The following CDH2 variants were observed in gnomAD, a reference collection of about 807,000 sequenced individuals.
The protein encoded by CDH2 is cadherin-2.
Under a neutral mutation model 92.0 loss-of-function variants are expected in CDH2, and 17 were observed. The ratio of observed to expected loss-of-function variants is 0.18; its 90% CI spans 0.13 to 0.28. The LOEUF is 0.28. Ranked by LOEUF, CDH2 falls within the 10% of genes least tolerant of loss-of-function variation. CDH2 has a pLI of 1.00. For synonymous variants in CDH2, 419 were observed against 415.9 expected (o/e 1.01, Z -0.09); for missense variants, 862 against 1,133.1 (o/e 0.76, Z 3.44).
At chr18:28,090,438 C>T (rs11564395) in intron 2 of CDH2, among the ~76,000 whole-genome samples, 11,159 of 152,142 alleles carry the variant, frequency 0.073, 1,371 homozygotes, top group African/African-American at 0.26. Context: ...CAAATGAGGG[C>T]CAGAAATGAC....
chr18:28,061,636 T>C (rs1249699042), intron 2 of CDH2, among the ~76,000 whole-genome samples: 2 of 152,294 alleles, frequency 1.3e-5, no homozygotes, highest in South Asian at 2.1e-4. Context: ...ACAAATACTT[T>C]ATCCTAGCAC....
intron 2 of CDH2, among the ~76,000 whole-genome samples, chr18:28,063,652 G>A (rs1271595355): frequency 6.6e-6 from 1 of 152,136 alleles, no homozygotes; most frequent in African/African-American, 2.4e-5. Context: ...ATAGCTTCAG[G>A]AAGCCATAAA....
intron 2 of CDH2, among the ~76,000 whole-genome samples, chr18:28,105,513 C>A: frequency 6.6e-6 from 1 of 151,916 alleles, no homozygotes; most frequent in East Asian, 1.9e-4. Context: ...TCAAAATAAG[C>A]TTTTCATGAG....
chr18:28,131,185 A>T (rs1456555230), intron 2 of CDH2, among the ~76,000 whole-genome samples: 1 of 152,302 alleles, frequency 6.6e-6, no homozygotes, highest in South Asian at 2.1e-4. Context: ...ATTCCCTTAG[A>T]AGTTTCATCT....
intron 2 of CDH2, among the ~76,000 whole-genome samples, chr18:28,094,775 CAG>C (rs1442984175): frequency 8.9e-6 from 1 of 112,530 alleles, no homozygotes; most frequent in Non-Finnish European, 1.7e-5. Flanking sequence ...GCCTGGGCGA[CAG>C]AGTGAGACTC....
At chr18:27,944,633 T>C (rs2143838700) in intron 6 of CDH2, among the ~76,000 whole-genome samples, 1 of 151,692 alleles carries the variant, frequency 6.6e-6, no homozygotes, top group Admixed American at 6.6e-5. Context: ...ACTTAAAATA[T>C]CAGGTCAGGT....
At position 27,952,376 on chromosome 18, in the gene CDH2, CAAAG is replaced by C. The variant is rs752348644; in HGVS notation, c.2515-21_2515-18del. 6.2e-7 allele frequency: 1 copy of C among 1,603,290 alleles called. No individual in the cohort carries two copies. The highest frequency in any genetic ancestry group is 1.1e-5 in the South Asian group (1 of 90,832). On this transcript the variant is annotated intron_variant, in intron 15 of 15. Coordinates refer to ENST00000269141, the MANE Select transcript of CDH2 (RefSeq NM_001792.5). ...TTTAAGGCCCTGCAATTTGGAAACACAAAGAATGAAAGAATTAAGAGAGGGTTAC... is the reference window on the plus strand; with the variant it reads ...TTTAAGGCCCTGCAATTTGGAAACACAATGAAAGAATTAAGAGAGGGTTAC...
intron 2 of CDH2, among the ~76,000 whole-genome samples, chr18:28,021,593 G>C (rs1340638769): frequency 6.6e-6 from 1 of 151,804 alleles, no homozygotes; most frequent in Non-Finnish European, 1.5e-5. Flanking sequence ...TTAATCACCA[G>C]GGAAATAATT....
Position 27,990,198 on chromosome 18 carries a change from G to T in CDH2, c.1497C>A (p.Pro499=). Residue 499 remains proline (P), a synonymous_variant, in exon 10 of 16, where the codon CCC becomes CCA. Coordinates refer to ENST00000269141, the MANE Select transcript of CDH2 (RefSeq NM_001792.5). Reference sequence around the variant, plus strand: ...CTTCTTGGCGAATGATCTTAGGATTGGGGGCAAAATAAGGGTTTTCATTTA... The same window carrying T: ...CTTCTTGGCGAATGATCTTAGGATTTGGGGCAAAATAAGGGTTTTCATTTA... ...IDVNENPYFA[P]NPKIIRQEEG... 1 of 1,614,074 alleles carries T rather than the reference G, an allele frequency of 6.2e-7. No homozygotes were observed. The highest frequency in any genetic ancestry group is 8.5e-7 in the Non-Finnish European group (1 of 1,179,962).
At chr18:28,058,424 G>T (rs937508196) in intron 2 of CDH2, among the ~76,000 whole-genome samples, 2 of 152,110 alleles carry the variant, frequency 1.3e-5, no homozygotes, top group African/African-American at 4.8e-5. Flanking sequence ...ACCTTGCCTT[G>T]GTTCAAGGTT....
rs1053213912 is a variant in CDH2 at position 27,957,850 on chromosome 18, C to A, written c.2515-5491G>T. On this transcript the variant is annotated intron_variant, in intron 15 of 15. Transcript: ENST00000269141. ...ACATATCAAGGCCAACATTACTACCCCTCTTTCTGGGAATTTCATTTTACT... is the reference window on the plus strand; with the variant it reads ...ACATATCAAGGCCAACATTACTACCACTCTTTCTGGGAATTTCATTTTACT... Among the ~76,000 whole-genome samples, 10 of 152,218 alleles carry A rather than the reference C, an allele frequency of 6.6e-5. No homozygotes were observed. The East Asian group carries it at 1.7e-3, about 26-fold the overall frequency.
intron 2 of CDH2, among the ~76,000 whole-genome samples, chr18:28,051,892 C>A (rs1223798862): frequency 6.6e-6 from 1 of 152,046 alleles, no homozygotes; most frequent in Non-Finnish European, 1.5e-5. Flanking sequence ...GAGAAAAGTA[C>A]AAAAAACTCA....
At chr18:28,048,687 T>C (rs1169208150) in intron 2 of CDH2, among the ~76,000 whole-genome samples, 1 of 152,150 alleles carries the variant, frequency 6.6e-6, no homozygotes, top group Admixed American at 6.5e-5. Context: ...GACACAAATT[T>C]GAATGTAAAC....
At chr18:28,133,021 C>T (rs2015797819) in intron 2 of CDH2, among the ~76,000 whole-genome samples, 1 of 152,178 alleles carries the variant, frequency 6.6e-6, no homozygotes, top group Admixed American at 6.5e-5. Context: ...TTCTCCTTAT[C>T]TATATCTCTT....
At chr18:28,032,468 TG>T (rs1329456040) in intron 2 of CDH2, among the ~76,000 whole-genome samples, 1 of 152,128 alleles carries the variant, frequency 6.6e-6, no homozygotes, top group African/African-American at 2.4e-5. Flanking sequence ...TACATTAACA[TG>T]TTTTTTACAT....
chr18:28,132,392 G>A (rs2015787129), intron 2 of CDH2, among the ~76,000 whole-genome samples: 1 of 152,294 alleles, frequency 6.6e-6, no homozygotes, highest in African/African-American at 2.4e-5. Flanking sequence ...TCTCCACTCT[G>A]CCTGGAAGTG....
At chr18:27,973,117 T>G (rs2011712603) in intron 14 of CDH2, among the ~76,000 whole-genome samples, 1 of 152,168 alleles carries the variant, frequency 6.6e-6, no homozygotes, top group Admixed American at 6.5e-5. Context: ...AACTGTGGGT[T>G]CTTACCCCAT....
chr18:28,130,095 T>C (rs116730762), intron 2 of CDH2, among the ~76,000 whole-genome samples: 276 of 152,298 alleles, frequency 1.8e-3, no homozygotes, highest in African/African-American at 6.4e-3. Flanking sequence ...TTGTAGAGCA[T>C]AAAGAAACTA....
At chr18:28,085,066 G>A (rs1338875309) in intron 2 of CDH2, among the ~76,000 whole-genome samples, 1 of 152,062 alleles carries the variant, frequency 6.6e-6, no homozygotes, top group Non-Finnish European at 1.5e-5. Flanking sequence ...CCCTAACTCT[G>A]AACTCCTCCT....
Sources: allele counts gnomAD v4.1 joint callset (sites outside exome capture counted in the v4.1 genomes callset), GRCh38; gene constraint gnomAD v4.1.1; transcripts MANE v1.5; gene names NCBI Gene and HGNC (gene_info 2026-07-23, HGNC 2026-07-21).